SOX5: variants seen among roughly 807,000 people sequenced by gnomAD.
SOX5 encodes transcription factor SOX-5.
In SOX5, 9 loss-of-function variants were observed where a neutral mutation model predicts 92.0. The ratio of observed to expected loss-of-function variants is 0.10; its 90% confidence interval spans 0.06 to 0.17. The LOEUF (loss-of-function observed/expected upper bound fraction) is 0.17, where lower values mean the gene tolerates loss of function less well. Ranked by LOEUF, SOX5 falls within the 10% of genes least tolerant of loss-of-function variation. The pLI is 1.00. For synonymous variants in SOX5, 344 were observed against 336.3 expected (o/e 1.02, Z -0.25); for missense variants, 642 against 944.5 (o/e 0.68, Z 4.20).
chr12:24,013,581 T>G (rs956269720), intron 4 of SOX5, among the ~76,000 whole-genome samples: 2 of 152,120 alleles, frequency 1.3e-5, no homozygotes, highest in East Asian at 3.9e-4. Context: ...CTTTACACAG[T>G]AAAAAGATAC....
intron 2 of SOX5, among the ~76,000 whole-genome samples, chr12:24,306,593 C>T (rs1322923118): frequency 1.3e-5 from 2 of 152,166 alleles, no homozygotes; most frequent in African/African-American, 2.4e-5. Flanking sequence ...AGCCCACATC[C>T]AGCAAGGAGA....
chr12:23,831,631 T>C (rs2096323566), intron 3 of SOX5, among the ~76,000 whole-genome samples: 1 of 152,050 alleles, frequency 6.6e-6, no homozygotes, highest in Non-Finnish European at 1.5e-5. Flanking sequence ...TTAAAGTCCA[T>C]ACTAAAGGCA....
intron 4 of SOX5, among the ~76,000 whole-genome samples, chr12:23,992,119 C>A (rs988130155): frequency 6.6e-6 from 1 of 152,016 alleles, no homozygotes; most frequent in African/African-American, 2.4e-5. Flanking sequence ...AAATGCCTTC[C>A]CTAATAAAAT....
At chr12:23,675,284 A>C (rs1338151727) in intron 6 of SOX5, among the ~76,000 whole-genome samples, 3 of 152,148 alleles carry the variant, frequency 2.0e-5, no homozygotes, top group Admixed American at 6.5e-5. Flanking sequence ...TCCCCAAAAG[A>C]CTTACAATTT....
At chr12:23,999,922 T>C (rs1002031437) in intron 4 of SOX5, among the ~76,000 whole-genome samples, 7 of 151,864 alleles carry the variant, frequency 4.6e-5, no homozygotes, top group African/African-American at 1.7e-4. Context: ...AGCTGGCAAC[T>C]TGATTCCACT....
At chr12:23,724,731 T>G (rs755120514) in intron 6 of SOX5, among the ~76,000 whole-genome samples, 1 of 152,126 alleles carries the variant, frequency 6.6e-6, no homozygotes, top group Non-Finnish European at 1.5e-5. Flanking sequence ...TGAAGAGATT[T>G]GAATGAAGTA....
intron 8 of SOX5, chr12:23,637,852 A>G (rs1364140296): frequency 6.6e-6 from 1 of 152,464 alleles, no homozygotes; most frequent in Non-Finnish European, 1.5e-5. Flanking sequence ...TCTCTTCTGA[A>G]GTTTTCTAAA....
intron 3 of SOX5, among the ~76,000 whole-genome samples, chr12:24,241,291 G>A (rs1965512321): frequency 6.6e-6 from 1 of 152,146 alleles, no homozygotes; most frequent in Non-Finnish European, 1.5e-5. Context: ...TTTTGATATA[G>A]ATAATGAGAT....
chr12:24,423,693 C>T (rs1966280113), intron 1 of SOX5, among the ~76,000 whole-genome samples: 1 of 152,232 alleles, frequency 6.6e-6, no homozygotes, highest in African/African-American at 2.4e-5. Flanking sequence ...ACTAAAATGG[C>T]AATTGTCCCA....
chr12:24,515,426 C>T (rs1949694006), intron 1 of SOX5, among the ~76,000 whole-genome samples: 1 of 152,060 alleles, frequency 6.6e-6, no homozygotes, highest in Non-Finnish European at 1.5e-5. Flanking sequence ...TAATCTAGTA[C>T]AGTGCTTTGA....
At chr12:24,410,002 C>CTT (rs34124767) in intron 1 of SOX5, among the ~76,000 whole-genome samples, 3 of 146,524 alleles carry the variant, frequency 2.0e-5, no homozygotes, top group African/African-American at 5.0e-5. Flanking sequence ...CACATAGCAA[C>CTT]TTTTTTTTTT....
chr12:23,557,895 G>T (rs2136260859), intron 11 of SOX5, among the ~76,000 whole-genome samples: 1 of 149,280 alleles, frequency 6.7e-6, no homozygotes, highest in Non-Finnish European at 1.5e-5. Flanking sequence ...GGAATCGCTT[G>T]AACCCTGGAG....
At position 24,067,430 on chromosome 12, in the gene SOX5, C is replaced by T. The variant is rs1382475632; in HGVS notation, c.-2+145913G>A. Among the ~76,000 whole-genome samples the T allele has an allele frequency of 2.6e-5, 4 of 152,124 alleles. No individual in the cohort carries two copies. In the East Asian group the frequency reaches 7.7e-4, roughly 29 times the overall value. On this transcript the variant is annotated intron_variant, in intron 4 of 4. Coordinates refer to the SOX5 transcript ENST00000446891. ...CCCTTGCAGCCCCAAACTCCAGTGC[C>T]TTTCAACTTTATATTAAGTTAAAAT... is the stretch of plus-strand genomic sequence containing the variant.
chr12:24,354,281 C>G (rs185673932), intron 2 of SOX5, among the ~76,000 whole-genome samples: 1 of 152,190 alleles, frequency 6.6e-6, no homozygotes, highest in African/African-American at 2.4e-5. Context: ...AAACAAAAAA[C>G]AAAACAAAAA....
chr12:23,982,736 A>G (rs1949687982), intron 4 of SOX5, among the ~76,000 whole-genome samples: 1 of 152,058 alleles, frequency 6.6e-6, no homozygotes, highest in Non-Finnish European at 1.5e-5. Context: ...AGGTGAAAAT[A>G]ATTTTAATAA....
At chr12:23,967,282 A>G (rs1318543935) in intron 4 of SOX5, among the ~76,000 whole-genome samples, 1 of 151,416 alleles carries the variant, frequency 6.6e-6, no homozygotes, top group African/African-American at 2.4e-5. Flanking sequence ...TTTAAAATAG[A>G]TGCATTACAG....
At chr12:23,997,454 A>C (rs183375066) in intron 4 of SOX5, among the ~76,000 whole-genome samples, 14 of 152,292 alleles carry the variant, frequency 9.2e-5, no homozygotes, top group Non-Finnish European at 1.9e-4. Context: ...ACCTGCCTAC[A>C]GTCAGAAATT....
intron 3 of SOX5, among the ~76,000 whole-genome samples, chr12:23,840,227 T>C (rs2096495648): frequency 6.6e-6 from 1 of 152,064 alleles, no homozygotes; most frequent in African/African-American, 2.4e-5. Context: ...ATAATTTATA[T>C]TTACATTTAA....
At chr12:24,371,870 C>A (rs1353527697) in intron 1 of SOX5, among the ~76,000 whole-genome samples, 1 of 152,068 alleles carries the variant, frequency 6.6e-6, no homozygotes, top group East Asian at 1.9e-4. Flanking sequence ...CACCTATAGT[C>A]CCAGCTACTC....
Sources: gnomAD v4.1 joint callset for allele counts (sites outside exome capture counted in the v4.1 genomes callset) on GRCh38, gnomAD v4.1.1 for gene constraint, MANE v1.5 for transcripts, NCBI Gene and HGNC (gene_info 2026-07-23, HGNC 2026-07-21) for gene names.